The following BACH2 variants were observed in gnomAD, a reference collection of about 807,000 sequenced individuals.
The protein encoded by BACH2 is BACH transcriptional regulator 2, also known as transcription regulator protein BACH2.
A neutral mutation model predicts 61.8 loss-of-function variants in BACH2; 5 were observed. The observed-to-expected ratio is 0.08, with a 90% confidence interval of 0.04 to 0.17. BACH2 has a LOEUF of 0.17. Among genes scored for constraint, BACH2 ranks in the 10% least tolerant of loss-of-function variants. The pLI, the probability that BACH2 is intolerant of heterozygous loss-of-function variation, is 1.00. For synonymous variants in BACH2, 446 were observed against 440.1 expected (o/e 1.01, Z -0.17); for missense variants, 824 against 1,091.1 (o/e 0.76, Z 3.45).
intron 5 of BACH2, among the ~76,000 whole-genome samples, chr6:90,065,270 CTTTTTTTTTTTTTTT>C (rs71027920): frequency 9.5e-5 from 5 of 52,666 alleles, no homozygotes; most frequent in South Asian, 1.4e-3. Flanking sequence ...GCCGCCCCCA[CTTTTTTTTTTTTTTT>C]TTTTTTTTTT....
chr6:90,236,168 A>G (rs777288067), intron 3 of BACH2, among the ~76,000 whole-genome samples: 91 of 152,244 alleles, frequency 6.0e-4, no homozygotes, highest in Non-Finnish European at 1.2e-3. Flanking sequence ...TCATTCATTT[A>G]TTCAATCATA....
chr6:90,209,216 C>T (rs1431157670), intron 3 of BACH2, among the ~76,000 whole-genome samples: 1 of 151,868 alleles, frequency 6.6e-6, no homozygotes, highest in Non-Finnish European at 1.5e-5. Flanking sequence ...AAAGAAAATA[C>T]CACATTCAGT....
chr6:90,083,783 A>G (rs985104492), intron 5 of BACH2, among the ~76,000 whole-genome samples: 1 of 152,102 alleles, frequency 6.6e-6, no homozygotes, highest in Non-Finnish European at 1.5e-5. Context: ...AAATTTTTAG[A>G]TTATTATTAA....
chr6:89,973,341 C>T (rs568782365), intron 6 of BACH2, among the ~76,000 whole-genome samples: 12 of 152,256 alleles, frequency 7.9e-5, no homozygotes, highest in South Asian at 4.2e-4. Context: ...TGGTCAGAAA[C>T]GGGGAAAAGG....
chr6:90,156,609 C>T (rs920888873), intron 4 of BACH2, among the ~76,000 whole-genome samples: 4 of 152,140 alleles, frequency 2.6e-5, no homozygotes, highest in Non-Finnish European at 5.9e-5. Flanking sequence ...AAAGTTTCTA[C>T]TACCAAACAA....
intron 7 of BACH2, among the ~76,000 whole-genome samples, chr6:89,948,409 T>C (rs1274731495): frequency 1.3e-5 from 2 of 152,092 alleles, no homozygotes; most frequent in Non-Finnish European, 2.9e-5. Flanking sequence ...GGTTTCACCA[T>C]GTTGCCCAGG....
At chr6:90,032,192 T>C (rs984689519) in intron 5 of BACH2, among the ~76,000 whole-genome samples, 1 of 151,240 alleles carries the variant, frequency 6.6e-6, no homozygotes, top group African/African-American at 2.4e-5. Context: ...TTACACCTTA[T>C]ACAAAAATTA....
chr6:90,032,359 A>G (rs1157968609), intron 5 of BACH2, among the ~76,000 whole-genome samples: 1 of 139,456 alleles, frequency 7.2e-6, no homozygotes, highest in African/African-American at 2.9e-5. Context: ...GACAAACGGG[A>G]TCTAATTAAA....
chr6:90,286,213 C>A (rs1259093124), intron 1 of BACH2, among the ~76,000 whole-genome samples: 1 of 152,196 alleles, frequency 6.6e-6, no homozygotes, highest in African/African-American at 2.4e-5. Flanking sequence ...CAGACAAGCA[C>A]AGTTCCTGTT....
At chr6:90,296,428 C>T (rs2127898059) in intron 1 of BACH2, 52 bp downstream of exon 1, 1 of 150,858 alleles carries the variant, frequency 6.6e-6, no homozygotes, top group South Asian at 2.1e-4. Context: ...CGCAAACTTG[C>T]CCCGCCACCC....
intron 8 of BACH2, among the ~76,000 whole-genome samples, chr6:89,935,884 C>G (rs1772991584): frequency 6.6e-6 from 1 of 152,340 alleles, no homozygotes; most frequent in South Asian, 2.1e-4. Flanking sequence ...GTGGACTTAA[C>G]TACCTAAGCC....
intron 4 of BACH2, among the ~76,000 whole-genome samples, chr6:90,113,284 C>T (rs550757915): frequency 8.5e-5 from 13 of 152,218 alleles, no homozygotes; most frequent in African/African-American, 1.9e-4. Flanking sequence ...ATCTCCACCC[C>T]GAAACAACAG....
intron 3 of BACH2, among the ~76,000 whole-genome samples, chr6:90,212,539 C>G (rs899450258): frequency 6.6e-6 from 1 of 152,200 alleles, no homozygotes; most frequent in Non-Finnish European, 1.5e-5. Context: ...AGAGACCAGA[C>G]GTTTGCCATT....
At chr6:90,100,706 C>CATACATACACACACACACAG (rs1782580321) in intron 4 of BACH2, among the ~76,000 whole-genome samples, 1 of 143,172 alleles carries the variant, frequency 7.0e-6, no homozygotes, top group African/African-American at 2.6e-5. Context: ...CACACAGACA[C>CATACATACACACACACACAG]ACACACACAC....
At chr6:90,023,768 C>A (rs1436355557) in intron 5 of BACH2, among the ~76,000 whole-genome samples, 1 of 152,118 alleles carries the variant, frequency 6.6e-6, no homozygotes, top group African/African-American at 2.4e-5. Flanking sequence ...TCTCTTTCTG[C>A]CATGTGAGGA....
At chr6:90,260,349 G>A (rs1017353022) in intron 2 of BACH2, among the ~76,000 whole-genome samples, 2 of 152,108 alleles carry the variant, frequency 1.3e-5, no homozygotes, top group African/African-American at 4.8e-5. Flanking sequence ...CCAGATATTT[G>A]TGAATTTTTC....
intron 4 of BACH2, among the ~76,000 whole-genome samples, chr6:90,167,579 A>G (rs1346967668): frequency 2.0e-5 from 3 of 152,180 alleles, no homozygotes; most frequent in Non-Finnish European, 4.4e-5. Flanking sequence ...GCTGGTCTCA[A>G]ACACCTGACC....
At chr6:90,065,540 T>C (rs1048972292) in intron 5 of BACH2, among the ~76,000 whole-genome samples, 6 of 152,156 alleles carry the variant, frequency 3.9e-5, no homozygotes, top group African/African-American at 7.2e-5. Context: ...ATAGACGATA[T>C]GGGAGTGGCT....
intron 4 of BACH2, among the ~76,000 whole-genome samples, chr6:90,118,221 T>C (rs1431476435): frequency 6.6e-6 from 1 of 152,210 alleles, no homozygotes; most frequent in African/African-American, 2.4e-5. Context: ...AGGGGAACCA[T>C]CTATTATTCA....
Sources: gnomAD v4.1 joint callset for allele counts (sites outside exome capture counted in the v4.1 genomes callset) on GRCh38, gnomAD v4.1.1 for gene constraint, MANE v1.5 for transcripts, NCBI Gene and HGNC (gene_info 2026-07-23, HGNC 2026-07-21) for gene names.